ULK4: variants seen among roughly 807,000 people sequenced by gnomAD.
ULK4 encodes the protein inactive serine/threonine-protein kinase ULK4.
In ULK4, 133 loss-of-function variants were observed where a neutral mutation model predicts 160.6. That is an observed-to-expected ratio of 0.83 (90% CI 0.72 to 0.96). The LOEUF (loss-of-function observed/expected upper bound fraction) is 0.96, where lower values mean the gene tolerates loss of function less well. Ranked by LOEUF, ULK4 falls within the 40% of genes least tolerant of loss-of-function variation. The pLI, the probability that ULK4 is intolerant of heterozygous loss-of-function variation, is 0.00. For missense variants in ULK4, 1,580 were observed against 1,499.5 expected (o/e 1.05, Z -0.89); for synonymous variants, 534 against 539.8 (o/e 0.99, Z 0.15).
intron 30 of ULK4, among the ~76,000 whole-genome samples, chr3:41,640,863 T>C (rs550324300): frequency 2.0e-5 from 3 of 152,292 alleles, no homozygotes; most frequent in Admixed American, 1.3e-4. Flanking sequence ...TGTGGGAAGA[T>C]GTCAATTCAC....
chr3:41,890,759 CGGG>C (rs1697908569), intron 16 of ULK4, among the ~76,000 whole-genome samples: 1 of 7,208 alleles, frequency 1.4e-4, no homozygotes, highest in African/African-American at 7.4e-4. Flanking sequence ...ACGGGAGGGA[CGGG>C]AGGGACGGGA....
intron 34 of ULK4, among the ~76,000 whole-genome samples, chr3:41,418,236 T>G (rs1041544060): frequency 8.6e-5 from 13 of 151,748 alleles, no homozygotes; most frequent in African/African-American, 2.9e-4. Flanking sequence ...ACTAATAGCC[T>G]ACTGTTGATT....
At chr3:41,746,089 C>G (rs1160390881) in intron 22 of ULK4, among the ~76,000 whole-genome samples, 2 of 151,102 alleles carry the variant, frequency 1.3e-5, no homozygotes, top group Non-Finnish European at 3.0e-5. Flanking sequence ...GCTTTCCCTA[C>G]AAGGCCAGAA....
intron 35 of ULK4, among the ~76,000 whole-genome samples, chr3:41,272,306 T>A (rs990414115): frequency 2.6e-5 from 4 of 151,858 alleles, no homozygotes; most frequent in African/African-American, 9.7e-5. Flanking sequence ...ACCTTCTGTA[T>A]ACCTGAAAAT....
At chr3:41,481,111 AG>A (rs1359138019) in intron 32 of ULK4, among the ~76,000 whole-genome samples, 3 of 152,200 alleles carry the variant, frequency 2.0e-5, no homozygotes, top group African/African-American at 7.2e-5. Context: ...AGTCAACAGT[AG>A]GCTATTAGTA....
chr3:41,758,758 A>G (rs1575659627), intron 21 of ULK4, among the ~76,000 whole-genome samples: 1 of 151,950 alleles, frequency 6.6e-6, no homozygotes, highest in East Asian at 1.9e-4. Flanking sequence ...CTGTAGTCCC[A>G]GCTACTCGGG....
intron 34 of ULK4, among the ~76,000 whole-genome samples, chr3:41,440,975 G>C (rs2083153250): frequency 6.6e-6 from 1 of 151,904 alleles, no homozygotes; most frequent in African/African-American, 2.4e-5. Context: ...TGTAGAATTT[G>C]TAGAGATGTC....
intron 17 of ULK4, among the ~76,000 whole-genome samples, chr3:41,841,480 G>A (rs1304326750): frequency 4.7e-5 from 7 of 149,468 alleles, no homozygotes; most frequent in East Asian, 4.0e-4. Context: ...GGTGAGGGGC[G>A]TCTCTGCCCG....
At chr3:41,507,664 A>T (rs1456931814) in intron 32 of ULK4, among the ~76,000 whole-genome samples, 1 of 151,644 alleles carries the variant, frequency 6.6e-6, no homozygotes, top group Non-Finnish European at 1.5e-5. Flanking sequence ...TTATCAACAA[A>T]AGTTACACTG....
At chr3:41,640,517 G>A (rs2034140501) in intron 30 of ULK4, among the ~76,000 whole-genome samples, 1 of 152,178 alleles carries the variant, frequency 6.6e-6, no homozygotes, top group African/African-American at 2.4e-5. Flanking sequence ...GCAAAGAACT[G>A]AGGAGGTGAC....
intron 35 of ULK4, among the ~76,000 whole-genome samples, chr3:41,397,065 G>A (rs1011656057): frequency 6.6e-6 from 1 of 152,028 alleles, no homozygotes; most frequent in African/African-American, 2.4e-5. Flanking sequence ...ACCTGCCAAA[G>A]GATACCTCAA....
At chr3:41,505,953 C>A (rs1175876044) in intron 32 of ULK4, among the ~76,000 whole-genome samples, 1 of 152,004 alleles carries the variant, frequency 6.6e-6, no homozygotes, top group East Asian at 1.9e-4. Flanking sequence ...TTTTGGTAAT[C>A]TTATTTATCA....
intron 22 of ULK4, among the ~76,000 whole-genome samples, chr3:41,728,039 T>C (rs1423473118): frequency 1.3e-5 from 2 of 152,198 alleles, no homozygotes; most frequent in East Asian, 1.9e-4. Flanking sequence ...ACTGCCAGAA[T>C]AGCAAGTCTG....
At chr3:41,797,902 A>C (rs2040349737) in intron 20 of ULK4, among the ~76,000 whole-genome samples, 2 of 151,982 alleles carry the variant, frequency 1.3e-5, no homozygotes, top group Non-Finnish European at 2.9e-5. Flanking sequence ...AGAAAACAAA[A>C]GAAAACAAAA....
chr3:41,954,592 C>G (rs749843755), intron 2 of ULK4, 30 bp downstream of exon 2: 3 of 1,599,874 alleles, frequency 1.9e-6, no homozygotes, highest in Admixed American at 1.7e-5. Context: ...CTCTCTCTTT[C>G]CCCATGCCAA....
At chr3:41,489,543 C>T (rs553271367) in intron 32 of ULK4, among the ~76,000 whole-genome samples, 174 of 152,288 alleles carry the variant, frequency 1.1e-3, no homozygotes, top group African/African-American at 4.1e-3. Flanking sequence ...CAACACCATC[C>T]CCCTTCCTGG....
rs60281588 is a variant in ULK4, at chr3:41,657,818, T to TAAAAAAAAAAAAAAAAAA, written c.3071+5788_3071+5789insTTTTTTTTTTTTTTTTTT. ...GTGACAAAGCGAGACTCCATCTCAT[T>TAAAAAAAAAAAAAAAAAA]AAAAAAAAAAAAAAAAACACACACC... is the stretch of plus-strand genomic sequence containing the variant. On this transcript the variant is annotated intron_variant, in intron 30 of 36. Coordinates refer to ENST00000301831, the MANE Select transcript of ULK4 (RefSeq NM_017886.4). Among the ~76,000 whole-genome samples, 254 of 99,684 alleles carry TAAAAAAAAAAAAAAAAAA rather than the reference T, an allele frequency of 2.5e-3. 34 individuals are homozygous for TAAAAAAAAAAAAAAAAAA. Among genetic ancestry groups the TAAAAAAAAAAAAAAAAAA allele is most frequent in the African/African-American group, 0.011 (160 of 14,960 alleles). 65.4% of individuals were successfully genotyped at this position (99,684 alleles called of 152,430 possible).
chr3:41,274,495 A>C (rs968893990), intron 35 of ULK4, among the ~76,000 whole-genome samples: 24 of 152,192 alleles, frequency 1.6e-4, no homozygotes, highest in African/African-American at 5.6e-4. Context: ...CACAGTGGTA[A>C]TGTTTTCTCT....
At chr3:41,642,179 G>C (rs746648769) in intron 30 of ULK4, among the ~76,000 whole-genome samples, 7 of 151,894 alleles carry the variant, frequency 4.6e-5, no homozygotes, top group Non-Finnish European at 8.8e-5. Flanking sequence ...CAGCCAATAC[G>C]TAACAGTTTT....
Sources: gnomAD v4.1 joint callset for allele counts (sites outside exome capture counted in the v4.1 genomes callset) on GRCh38, gnomAD v4.1.1 for gene constraint, MANE v1.5 for transcripts, NCBI Gene and HGNC (gene_info 2026-07-23, HGNC 2026-07-21) for gene names.